Variants in EVI5 observed in about 807,000 individuals in gnomAD.
EVI5 encodes ecotropic viral integration site 5, also known as ecotropic viral integration site 5 protein homolog.
In EVI5, 73 loss-of-function variants were observed where a neutral mutation model predicts 112.0. That is an observed-to-expected ratio of 0.65 (90% CI 0.54 to 0.79). The LOEUF (loss-of-function observed/expected upper bound fraction) is 0.79. Among genes scored for constraint, EVI5 ranks in the 30% least tolerant of loss-of-function variants. The pLI, the probability that EVI5 is intolerant of heterozygous loss-of-function variation, is 0.00. For synonymous variants in EVI5, 305 were observed against 319.9 expected (o/e 0.95, Z 0.50); for missense variants, 900 against 968.8 (o/e 0.93, Z 0.94).
intron 1 of EVI5, among the ~76,000 whole-genome samples, chr1:92,777,462 T>C (rs1048737183): frequency 5.3e-5 from 8 of 152,258 alleles, no homozygotes; most frequent in African/African-American, 1.4e-4. Context: ...CCGGATTATC[T>C]TCAAAATCAC....
chr1:92,588,038 C>T (rs1349345410), intron 18 of EVI5, among the ~76,000 whole-genome samples: 1 of 152,070 alleles, frequency 6.6e-6, no homozygotes, highest in Non-Finnish European at 1.5e-5. Flanking sequence ...TTAGAGATAG[C>T]TCCATTTAGT....
chr1:92,763,851 G>T (rs1046742728), intron 1 of EVI5, among the ~76,000 whole-genome samples: 1 of 151,856 alleles, frequency 6.6e-6, no homozygotes, highest in Admixed American at 6.6e-5. Flanking sequence ...TAAACTATAA[G>T]CAACAGTTTC....
intron 14 of EVI5, among the ~76,000 whole-genome samples, chr1:92,632,638 T>C (rs1269130477): frequency 6.6e-6 from 1 of 152,220 alleles, no homozygotes; most frequent in Non-Finnish European, 1.5e-5. Flanking sequence ...CTGGATTCAT[T>C]GATTTTTTGA....
chr1:92,543,616 G>C (rs1300250912), intron 19 of EVI5, among the ~76,000 whole-genome samples: 3 of 152,102 alleles, frequency 2.0e-5, no homozygotes, highest in Non-Finnish European at 4.4e-5. Flanking sequence ...TAGCTTTCAG[G>C]CTATCTCAGC....
intron 13 of EVI5, among the ~76,000 whole-genome samples, chr1:92,660,477 T>C (rs1663793844): frequency 6.6e-6 from 1 of 151,794 alleles, no homozygotes; most frequent in South Asian, 2.1e-4. Context: ...TGAGTTACAG[T>C]TAGATAGGAA....
At chr1:92,592,021 T>A (rs918526500) in intron 18 of EVI5, among the ~76,000 whole-genome samples, 15 of 151,834 alleles carry the variant, frequency 9.9e-5, no homozygotes, top group African/African-American at 3.6e-4. Flanking sequence ...AGGCGGGCGG[T>A]TCACAAGGTC....
chr1:92,546,080 T>C (rs1665644166), intron 19 of EVI5, among the ~76,000 whole-genome samples: 1 of 152,132 alleles, frequency 6.6e-6, no homozygotes, highest in African/African-American at 2.4e-5. Flanking sequence ...CAACTGGAAC[T>C]ATGACTTTTA....
At chr1:92,661,013 G>GAA (rs1197702838) in intron 13 of EVI5, among the ~76,000 whole-genome samples, 4 of 149,120 alleles carry the variant, frequency 2.7e-5, no homozygotes, top group African/African-American at 1.0e-4. Context: ...AATCATTTGG[G>GAA]AAAAAACACA....
At chr1:92,748,902 C>G (rs1679752011) in intron 1 of EVI5, among the ~76,000 whole-genome samples, 1 of 151,746 alleles carries the variant, frequency 6.6e-6, no homozygotes, top group Non-Finnish European at 1.5e-5. Flanking sequence ...CCCATCTCTA[C>G]TAAAAATACA....
chr1:92,754,214 T>A (rs560906831), intron 1 of EVI5, among the ~76,000 whole-genome samples: 1 of 152,314 alleles, frequency 6.6e-6, no homozygotes, highest in Admixed American at 6.5e-5. Context: ...TTAATATCCC[T>A]TCTAAATTTT....
chr1:92,549,735 G>C (rs1666455366), intron 19 of EVI5, among the ~76,000 whole-genome samples: 1 of 152,174 alleles, frequency 6.6e-6, no homozygotes. Context: ...GCAGCCAACA[G>C]ACACATGAAA....
chr1:92,773,519 G>A (rs755851675), intron 1 of EVI5, among the ~76,000 whole-genome samples: 4 of 151,858 alleles, frequency 2.6e-5, no homozygotes, highest in Non-Finnish European at 5.9e-5. Context: ...CACAAACCCT[G>A]TTGTCCCCAC....
intron 1 of EVI5, among the ~76,000 whole-genome samples, chr1:92,755,584 T>C (rs1680835855): frequency 1.3e-5 from 2 of 152,156 alleles, no homozygotes; most frequent in Admixed American, 6.5e-5. Context: ...CAGAAATCTG[T>C]CCCAATACTC....
At chr1:92,713,041 G>A (rs1673078420) in intron 2 of EVI5, among the ~76,000 whole-genome samples, 1 of 151,676 alleles carries the variant, frequency 6.6e-6, no homozygotes, top group Admixed American at 6.6e-5. Context: ...TCCCACCTAG[G>A]CCTCCCAAAG....
chr1:92,518,025 G>A (rs564130399), intron 19 of EVI5, among the ~76,000 whole-genome samples: 1 of 151,148 alleles, frequency 6.6e-6, no homozygotes, highest in African/African-American at 2.4e-5. Context: ...AGCCTCCCAA[G>A]TAGCTGGGAC....
At chr1:92,624,432 A>G in intron 15 of EVI5, 98 bp from the exon 16 acceptor site, 1 of 866,436 alleles carries the variant, frequency 1.2e-6, no homozygotes, top group African/African-American at 1.7e-5. Context: ...TATATAAAAC[A>G]CTTTCCACAC....
intron 9 of EVI5, among the ~76,000 whole-genome samples, chr1:92,685,062 A>G (rs2102391970): frequency 6.6e-6 from 1 of 152,144 alleles, no homozygotes; most frequent in Admixed American, 6.5e-5. Flanking sequence ...GACCTACTAG[A>G]TATCTACAGA....
At chr1:92,593,412 A>AT (rs1674343780) in intron 18 of EVI5, among the ~76,000 whole-genome samples, 4 of 152,224 alleles carry the variant, frequency 2.6e-5, no homozygotes, top group African/African-American at 9.6e-5. Flanking sequence ...TATTGATGGG[A>AT]CGTATCTCAA....
intron 13 of EVI5, among the ~76,000 whole-genome samples, chr1:92,659,932 G>A (rs1053198557): frequency 4.6e-5 from 7 of 151,876 alleles, no homozygotes; most frequent in African/African-American, 1.4e-4. Flanking sequence ...ATGTGTTTTG[G>A]AGCAACATGG....
Sources: gnomAD v4.1 joint callset for allele counts (sites outside exome capture counted in the v4.1 genomes callset) on GRCh38, gnomAD v4.1.1 for gene constraint, MANE v1.5 for transcripts, NCBI Gene and HGNC (gene_info 2026-07-23, HGNC 2026-07-21) for gene names.